The following TBC1D5 variants were observed in gnomAD, a reference collection of about 807,000 sequenced individuals.
TBC1D5 encodes TBC1 domain family, member 5.
A neutral mutation model predicts 100.3 loss-of-function variants in TBC1D5; 75 were observed. That is an observed-to-expected ratio of 0.75 (90% CI 0.62 to 0.91). The LOEUF is 0.91. TBC1D5 is among the 40% of genes least tolerant of loss of function. The pLI is 0.00. For synonymous variants in TBC1D5, 323 were observed against 325.6 expected, an observed-to-expected ratio of 0.99 and a Z score of 0.09; for missense variants, 910 against 942.4, an observed-to-expected ratio of 0.97 and a Z score of 0.45.
At chr3:17,495,526 A>G (rs1289828834) in intron 3 of TBC1D5, among the ~76,000 whole-genome samples, 1 of 152,232 alleles carries the variant, frequency 6.6e-6, no homozygotes, top group Admixed American at 6.5e-5. Flanking sequence ...CTTATTAATT[A>G]TGACTTGGTT....
intron 1 of TBC1D5, among the ~76,000 whole-genome samples, chr3:17,704,044 T>C (rs1379398273): frequency 2.1e-5 from 3 of 142,968 alleles, no homozygotes; most frequent in African/African-American, 7.9e-5. Context: ...AGGTCTCTGG[T>C]TTTCCTAGGC....
chr3:17,559,544 C>T (rs1351212176), intron 2 of TBC1D5, among the ~76,000 whole-genome samples: 1 of 151,890 alleles, frequency 6.6e-6, no homozygotes, highest in Admixed American at 6.6e-5. Flanking sequence ...CATGTTCATA[C>T]ATTGTGAGAA....
At chr3:17,708,990 A>G (rs2074434176) in intron 1 of TBC1D5, among the ~76,000 whole-genome samples, 1 of 152,176 alleles carries the variant, frequency 6.6e-6, no homozygotes, top group Admixed American at 6.5e-5. Flanking sequence ...AACGAGGTAA[A>G]TTACCTACAT....
Position 17,690,504 on chromosome 3 carries a change from C to T in TBC1D5, c.-101+48839G>A, listed in dbSNP as rs1339951556. Reference sequence around the variant, plus strand: ...GTGCTGGGATTACAGGCGTGAGCCACCGCGCCCGGCCTAAAAATAGCCATA... The same window carrying T: ...GTGCTGGGATTACAGGCGTGAGCCATCGCGCCCGGCCTAAAAATAGCCATA... On this transcript the variant is annotated intron_variant, in intron 1 of 21. Transcript: ENST00000253692. Among the ~76,000 whole-genome samples the T allele has an allele frequency of 6.8e-5, 2 of 29,522 alleles. 1 individual carries two copies. Among genetic ancestry groups the T allele is most frequent in the African/African-American group, 2.0e-4 (2 of 10,056 alleles). The allele number at this position is 29,522 out of a possible 152,430, so 19.4% of individuals were successfully genotyped here.
chr3:17,272,774 A>T (rs2079562277), intron 15 of TBC1D5, among the ~76,000 whole-genome samples: 1 of 152,234 alleles, frequency 6.6e-6, no homozygotes, highest in African/African-American at 2.4e-5. Flanking sequence ...GGAATAAATA[A>T]TACAAGTTCC....
chr3:17,661,029 A>T (rs563892431), intron 1 of TBC1D5, among the ~76,000 whole-genome samples: 1 of 152,338 alleles, frequency 6.6e-6, no homozygotes, highest in Admixed American at 6.5e-5. Context: ...AGACAAATAA[A>T]TAACATGTAT....
At chr3:17,391,195 A>G (rs2093339886) in intron 8 of TBC1D5, among the ~76,000 whole-genome samples, 1 of 152,150 alleles carries the variant, frequency 6.6e-6, no homozygotes, top group South Asian at 2.1e-4. Context: ...CTTCTGAGGT[A>G]ATGGCATAAA....
At chr3:17,598,579 T>C (rs9853571) in intron 2 of TBC1D5, among the ~76,000 whole-genome samples, 62,460 of 152,014 alleles carry the variant, frequency 0.41, 13,523 homozygotes, top group Middle Eastern at 0.5. Flanking sequence ...CAATACACAC[T>C]GTAATCCATT....
chr3:17,533,588 G>T (rs1205686274), intron 2 of TBC1D5, among the ~76,000 whole-genome samples: 1 of 152,160 alleles, frequency 6.6e-6, no homozygotes, highest in Non-Finnish European at 1.5e-5. Flanking sequence ...GTCAGAAACT[G>T]CTGGTCATAA....
rs561531230 is a variant in TBC1D5, at chr3:17,692,820, G to C, written c.-101+46523C>G. ...AATGGTCTAAAACACAAGTAGATCA[G>C]AATTATAAAAGGATATAAACGAATA... On this transcript the variant is annotated intron_variant, in intron 1 of 21. Transcript: ENST00000253692. Among the ~76,000 whole-genome samples, 16 of 152,282 alleles carry C rather than the reference G, an allele frequency of 1.1e-4. No homozygotes were observed. The South Asian group carries it at 3.3e-3, about 32-fold the overall frequency.
At chr3:17,387,281 C>T (rs2093190694) in intron 8 of TBC1D5, among the ~76,000 whole-genome samples, 1 of 152,098 alleles carries the variant, frequency 6.6e-6, no homozygotes, top group Admixed American at 6.6e-5. Flanking sequence ...TAAACAGAAG[C>T]ACAGAGAAAT....
upstream of TBC1D5, among the ~76,000 whole-genome samples, chr3:17,742,221 C>T (rs1253253853): frequency 6.6e-6 from 1 of 152,144 alleles, no homozygotes; most frequent in African/African-American, 2.4e-5. Flanking sequence ...CGCCATCCAC[C>T]CCCGACGCCG....
At chr3:17,345,927 G>A in intron 13 of TBC1D5, among the ~76,000 whole-genome samples, 1 of 151,842 alleles carries the variant, frequency 6.6e-6, no homozygotes, top group Middle Eastern at 3.2e-3. Context: ...TGTGGGGTGG[G>A]GAGAGGGGGG....
chr3:17,399,142 C>A (rs762617513), intron 8 of TBC1D5, among the ~76,000 whole-genome samples: 1 of 152,084 alleles, frequency 6.6e-6, no homozygotes, highest in Non-Finnish European at 1.5e-5. Flanking sequence ...GCCAGAAGCA[C>A]TTGTCTAAAA....
chr3:17,455,403 CGT>C (rs753922629), intron 3 of TBC1D5, among the ~76,000 whole-genome samples: 11 of 144,190 alleles, frequency 7.6e-5, no homozygotes, highest in East Asian at 2.0e-4. Context: ...TATACACACA[CGT>C]GTGTGTATAT....
intron 16 of TBC1D5, among the ~76,000 whole-genome samples, chr3:17,243,920 T>C (rs763981591): frequency 2.6e-5 from 4 of 152,114 alleles, no homozygotes; most frequent in Non-Finnish European, 5.9e-5. Flanking sequence ...TGAGTTGTGT[T>C]TATAAATGGA....
In TBC1D5 at chr3:17,374,917, A is replaced by G. The variant is rs111727940; in HGVS notation, c.702-238T>C. Among the ~76,000 whole-genome samples the G allele has an allele frequency of 3.7e-3, 558 of 152,304 alleles. 2 individuals carry two copies. Among genetic ancestry groups the G allele is most frequent in the African/African-American group, 0.012 (505 of 41,580 alleles). On this transcript the variant is annotated intron_variant, in intron 10 of 21. Transcript: ENST00000253692. ...CGACATGAACTATCTAATTATTCCA[A>G]ATAAATACAGAATTTGACAATATAT...
intron 1 of TBC1D5, among the ~76,000 whole-genome samples, chr3:17,624,412 G>A (rs1049854663): frequency 1.3e-5 from 2 of 152,040 alleles, no homozygotes; most frequent in African/African-American, 2.4e-5. Flanking sequence ...TTTATGTTGT[G>A]TCTTTGATCA....
At chr3:17,593,983 C>T (rs139330918) in intron 2 of TBC1D5, among the ~76,000 whole-genome samples, 2,008 of 152,296 alleles carry the variant, frequency 0.013, 42 homozygotes, top group African/African-American at 0.045. Context: ...TCACCAATCA[C>T]CCCTAGTGAT....
Sources: allele counts gnomAD v4.1 joint callset (sites outside exome capture counted in the v4.1 genomes callset), GRCh38; gene constraint gnomAD v4.1.1; transcripts MANE v1.5; gene names NCBI Gene and HGNC (gene_info 2026-07-23, HGNC 2026-07-21).